FAF1: variants seen among roughly 807,000 people sequenced by gnomAD.
FAF1 encodes the protein Fas associated factor 1.
A neutral mutation model predicts 92.5 loss-of-function variants in FAF1; 25 were observed. That is an observed-to-expected ratio of 0.27 (90% CI 0.20 to 0.38). The LOEUF (loss-of-function observed/expected upper bound fraction) is 0.38, where lower values mean the gene tolerates loss of function less well. Among genes scored for constraint, FAF1 ranks in the 10% least tolerant of loss-of-function variants. FAF1 has a pLI of 1.00. For synonymous variants in FAF1, 234 were observed against 273.2 expected (o/e 0.86, Z 1.42); for missense variants, 636 against 793.3 (o/e 0.80, Z 2.38).
intron 4 of FAF1, among the ~76,000 whole-genome samples, chr1:50,757,154 A>G (rs999914898): frequency 2.6e-5 from 4 of 152,184 alleles, no homozygotes; most frequent in Non-Finnish European, 5.9e-5. Context: ...TTGTTTTGTG[A>G]CTGAGCATAT....
intron 1 of FAF1, among the ~76,000 whole-genome samples, chr1:50,885,750 T>A (rs1644656759): frequency 6.6e-6 from 1 of 152,180 alleles, no homozygotes; most frequent in Non-Finnish European, 1.5e-5. Flanking sequence ...TTTTGTGGTA[T>A]TCTCTTCCTT....
intron 15 of FAF1, among the ~76,000 whole-genome samples, chr1:50,523,387 A>G (rs538259616): frequency 2.0e-5 from 3 of 152,338 alleles, no homozygotes; most frequent in African/African-American, 4.8e-5. Flanking sequence ...TCAGCAATGT[A>G]CAAGGGTTCT....
At chr1:50,669,016 C>T (rs1403949208) in intron 7 of FAF1, among the ~76,000 whole-genome samples, 2 of 152,172 alleles carry the variant, frequency 1.3e-5, no homozygotes, top group Non-Finnish European at 2.9e-5. Flanking sequence ...AAAACCGCCA[C>T]AAACCATGGA....
intron 4 of FAF1, among the ~76,000 whole-genome samples, chr1:50,753,907 G>A (rs775173711): frequency 4.0e-5 from 6 of 151,812 alleles, no homozygotes; most frequent in East Asian, 1.9e-4. Flanking sequence ...ACAGGGGTAC[G>A]CCACCATGCT....
At chr1:50,792,711 C>T (rs897433804) in intron 3 of FAF1, among the ~76,000 whole-genome samples, 1 of 152,274 alleles carries the variant, frequency 6.6e-6, no homozygotes, top group East Asian at 1.9e-4. Flanking sequence ...TTTTAAAATA[C>T]ATTAGTAAGG....
chr1:50,859,819 G>A (rs779650622), intron 1 of FAF1, among the ~76,000 whole-genome samples: 1 of 151,962 alleles, frequency 6.6e-6, no homozygotes, highest in Non-Finnish European at 1.5e-5. Flanking sequence ...AACAAAGCTG[G>A]AGGCATCACA....
intron 1 of FAF1, among the ~76,000 whole-genome samples, chr1:50,942,100 C>T (rs986707210): frequency 6.6e-6 from 1 of 152,196 alleles, no homozygotes; most frequent in Admixed American, 6.5e-5. Flanking sequence ...CCTCCATGTT[C>T]TCCATCTTTA....
chr1:50,758,465 C>T lies in FAF1; in HGVS notation c.368-13690G>A, dbSNP rs141314967. Among the ~76,000 whole-genome samples, 1,027 of 152,334 alleles carry T rather than the reference C, an allele frequency of 6.7e-3. 4 individuals are homozygous for T. The highest frequency in any genetic ancestry group is 0.011 in the Non-Finnish European group (744 of 68,034). ...ATTCTTCATGTTATTGTTGTCATAC[C>T]TGTACTTGTACACATTTTACAAATG... On this transcript the variant is annotated intron_variant, in intron 4 of 18. Transcript: ENST00000396153.
chr1:50,685,071 G>GTAGTCTTCTTGAAA (rs1656597154), intron 7 of FAF1, among the ~76,000 whole-genome samples: 1 of 152,020 alleles, frequency 6.6e-6, no homozygotes, highest in Admixed American at 6.6e-5. Context: ...TCAGCTGAGT[G>GTAGTCTTCTTGAAA]TAGTCTTCTT....
chr1:50,753,422 G>A (rs1016919555), intron 4 of FAF1, among the ~76,000 whole-genome samples: 3 of 152,138 alleles, frequency 2.0e-5, no homozygotes, highest in African/African-American at 4.8e-5. Flanking sequence ...TTCCTGTTTG[G>A]AGCTATTACA....
chr1:50,696,849 G>A (rs1557480739), intron 7 of FAF1, among the ~76,000 whole-genome samples: 1 of 152,084 alleles, frequency 6.6e-6, no homozygotes, highest in African/African-American at 2.4e-5. Flanking sequence ...TGCATTAGCT[G>A]TAAGTAGATG....
At chr1:50,771,489 T>C (rs1569920805) in intron 4 of FAF1, among the ~76,000 whole-genome samples, 1 of 152,146 alleles carries the variant, frequency 6.6e-6, no homozygotes, top group African/African-American at 2.4e-5. Flanking sequence ...AAAGAAGCCA[T>C]ATATTTGGCC....
intron 5 of FAF1, among the ~76,000 whole-genome samples, chr1:50,742,304 A>T (rs1659419091): frequency 6.6e-6 from 1 of 151,718 alleles, no homozygotes; most frequent in Admixed American, 6.6e-5. Context: ...ACAGGGTGAG[A>T]ACTCATCTCA....
intron 1 of FAF1, among the ~76,000 whole-genome samples, chr1:50,907,048 C>T (rs796533332): frequency 2.0e-5 from 3 of 152,102 alleles, no homozygotes; most frequent in South Asian, 2.1e-4. Context: ...TCTTGAGATA[C>T]GTCCCATCAA....
chr1:50,959,674 C>A (rs1645299323), intron 1 of FAF1, 93 bp downstream of exon 1: 2 of 1,116,998 alleles, frequency 1.8e-6, no homozygotes, highest in South Asian at 1.3e-5. Context: ...TGACACACCA[C>A]TGCAGCGTTC....
rs187340728 is a variant in FAF1 at position 50,770,880 on chromosome 1, C to A, written c.367+17120G>T. On this transcript the variant is annotated intron_variant, in intron 4 of 18. Transcript: ENST00000396153. ...AAACTATACTACAAGGCTGCAGTAA[C>A]CATAACAGCACGTTACTGGTATAAA... Among the ~76,000 whole-genome samples the A allele has an allele frequency of 1.1e-3, 173 of 152,302 alleles. 5 individuals carry two copies. The highest frequency in any genetic ancestry group is 1.6e-4 in the Non-Finnish European group (11 of 68,038).
intron 8 of FAF1, among the ~76,000 whole-genome samples, chr1:50,637,706 T>TGTGTGC (rs1557448488): frequency 5.3e-5 from 8 of 150,326 alleles, no homozygotes; most frequent in Non-Finnish European, 7.4e-5. Flanking sequence ...TGTGTGTGTG[T>TGTGTGC]GTGTGTGCGT....
chr1:50,754,944 C>G (rs1660017027), intron 4 of FAF1, among the ~76,000 whole-genome samples: 1 of 152,070 alleles, frequency 6.6e-6, no homozygotes, highest in Non-Finnish European at 1.5e-5. Flanking sequence ...GAAAGACCCA[C>G]CCCCATGACT....
At chr1:50,853,818 A>C (rs1644370576) in intron 2 of FAF1, among the ~76,000 whole-genome samples, 1 of 152,098 alleles carries the variant, frequency 6.6e-6, no homozygotes, top group Non-Finnish European at 1.5e-5. Context: ...TTGTCAAAAT[A>C]ATTTTTAATA....
Sources: gnomAD v4.1 joint callset for allele counts (sites outside exome capture counted in the v4.1 genomes callset) on GRCh38, gnomAD v4.1.1 for gene constraint, MANE v1.5 for transcripts, NCBI Gene and HGNC (gene_info 2026-07-23, HGNC 2026-07-21) for gene names.